RFX3: variants seen among roughly 807,000 people sequenced by gnomAD.
RFX3 encodes transcription factor RFX3.
Under a neutral mutation model 98.6 loss-of-function variants are expected in RFX3, and 14 were observed. The observed-to-expected ratio is 0.14, with a 90% CI of 0.09 to 0.22. The LOEUF is 0.22. RFX3 is among the 10% of genes least tolerant of loss of function. The pLI, the probability that RFX3 is intolerant of heterozygous loss-of-function variation, is 1.00. For missense variants in RFX3, 639 were observed against 926.9 expected, an observed-to-expected ratio of 0.69 and a Z score of 4.03; for synonymous variants, 383 against 328.4, an observed-to-expected ratio of 1.17 and a Z score of -1.80.
At chr9:3,239,911 G>A (rs1819692186) in intron 15 of RFX3, among the ~76,000 whole-genome samples, 1 of 152,122 alleles carries the variant, frequency 6.6e-6, no homozygotes, top group African/African-American at 2.4e-5. Flanking sequence ...TTCCCTTCCA[G>A]GCCCTGGCAG....
chr9:3,482,777 C>G (rs1564159420), intron 1 of RFX3, among the ~76,000 whole-genome samples: 2 of 151,896 alleles, frequency 1.3e-5, no homozygotes, highest in Admixed American at 6.6e-5. Context: ...ATAAGTGTTA[C>G]AAGATATGCT....
intron 12 of RFX3, among the ~76,000 whole-genome samples, chr9:3,264,902 G>C (rs1823413473): frequency 1.3e-5 from 2 of 152,302 alleles, no homozygotes; most frequent in South Asian, 4.1e-4. Context: ...CATTCACTTT[G>C]ACAACACTGG....
intron 2 of RFX3, among the ~76,000 whole-genome samples, chr9:3,347,546 G>C (rs1252404734): frequency 2.0e-5 from 3 of 151,878 alleles, no homozygotes; most frequent in Admixed American, 6.6e-5. Context: ...CCAGAAGGCC[G>C]GGTGCGGTGG....
At chr9:3,288,861 T>G (rs1355549310) in intron 6 of RFX3, among the ~76,000 whole-genome samples, 2 of 152,070 alleles carry the variant, frequency 1.3e-5, no homozygotes, top group Non-Finnish European at 2.9e-5. Flanking sequence ...GAAACACATT[T>G]TATTAGTTTC....
chr9:3,349,575 T>G lies in RFX3; in HGVS notation c.118-2811A>C, dbSNP rs1366798973. Among the ~76,000 whole-genome samples the G allele has an allele frequency of 2.0e-5, 3 of 152,208 alleles. No individual in the cohort carries two copies. In the East Asian group the frequency reaches 5.8e-4, roughly 29 times the overall value. On this transcript the variant is annotated intron_variant, in intron 2 of 16. Coordinates refer to ENST00000617270, the MANE Select transcript of RFX3 (RefSeq NM_001282116.2). ...TCACCCCTGCTGCTTCTATCTTACT[T>G]ACTGCCCCCACACCCCCAACAGGTA...
intron 2 of RFX3, among the ~76,000 whole-genome samples, chr9:3,366,698 C>CTTTCTTTT (rs1173737516): frequency 1.1e-4 from 7 of 61,746 alleles, no homozygotes; most frequent in African/African-American, 4.5e-4. Flanking sequence ...TCTTTCCTTT[C>CTTTCTTTT]TTTCTTTCTT....
At chr9:3,488,890 T>A in intron 1 of RFX3, 1 of 985,010 alleles carries the variant, frequency 1.0e-6, no homozygotes, top group Non-Finnish European at 1.2e-6. Context: ...GTATCCTCCA[T>A]GGCTGCTAAA....
intron 1 of RFX3, among the ~76,000 whole-genome samples, chr9:3,458,302 C>G (rs1176694214): frequency 6.6e-6 from 1 of 152,146 alleles, no homozygotes; most frequent in East Asian, 1.9e-4. Context: ...GAGTAGCAAT[C>G]CAGATGTATG....
rs201501094 is a variant in RFX3 at position 3,318,314 on chromosome 9, C to G, written c.474+11945G>C. On this transcript the variant is annotated intron_variant, in intron 4 of 16. Coordinates refer to ENST00000617270, the MANE Select transcript of RFX3 (RefSeq NM_001282116.2). ...ACATGTTCTCACTCATAGGTGGGAA[C>G]TGAACAATGAGAACACATGGACACA... Among the ~76,000 whole-genome samples, 23 of 152,084 alleles carry G rather than the reference C, an allele frequency of 1.5e-4. 1 individual carries two copies. Among genetic ancestry groups the G allele is most frequent in the Middle Eastern group, 3.4e-3 (1 of 294 alleles).
intron 2 of RFX3, among the ~76,000 whole-genome samples, chr9:3,351,640 A>T (rs763191404): frequency 6.6e-6 from 1 of 152,062 alleles, no homozygotes; most frequent in African/African-American, 2.4e-5. Context: ...GAACTAAAAC[A>T]TGTTAGAACA....
chr9:3,280,127 G>C (rs780825700), intron 7 of RFX3, among the ~76,000 whole-genome samples: 8 of 151,822 alleles, frequency 5.3e-5, no homozygotes, highest in Non-Finnish European at 1.2e-4. Flanking sequence ...GACAGAGATT[G>C]AGCAAAGACA....
At chr9:3,506,647 C>G (rs1817126843) in intron 1 of RFX3, among the ~76,000 whole-genome samples, 1 of 151,618 alleles carries the variant, frequency 6.6e-6, no homozygotes, top group Admixed American at 6.6e-5. Context: ...AAAATCCAAA[C>G]AAGTCTGGAA....
intron 2 of RFX3, chr9:3,394,741 GATA>G (rs1459025155): frequency 5.4e-6 from 4 of 743,456 alleles, no homozygotes; most frequent in African/African-American, 3.8e-5. Context: ...TGAATCTCAA[GATA>G]ATGTTATATG....
At chr9:3,330,198 G>C (rs1039814442) in intron 4 of RFX3, 61 bp downstream of exon 4, 1 of 1,544,888 alleles carries the variant, frequency 6.5e-7, no homozygotes, top group Non-Finnish European at 8.9e-7. Flanking sequence ...CTCTATCAAA[G>C]GAAATGTTCA....
chr9:3,222,511 C>A lies in RFX3; in HGVS notation c.*2531G>T, dbSNP rs1817390631. The stretch of plus-strand genomic sequence containing the variant: ...TTAAATTAAACAATGATAATAAATA[C>A]ATTTAAAGTCATTCAATAAACAAAA... On this transcript the variant is annotated 3_prime_UTR_variant, in exon 17 of 17. Transcript: ENST00000617270. 6.6e-6 allele frequency: 1 copy of A among 152,092 alleles called. No homozygotes were observed. Among genetic ancestry groups the A allele is most frequent in the Non-Finnish European group, 1.5e-5 (1 of 67,990 alleles). 9.4% of individuals were successfully genotyped at this position (152,092 alleles called of 1,614,324 possible).
chr9:3,263,282 G>T (rs1480500851), intron 12 of RFX3, among the ~76,000 whole-genome samples, 198 bp from the exon 13 acceptor site: 1 of 152,110 alleles, frequency 6.6e-6, no homozygotes, highest in African/African-American at 2.4e-5. Context: ...TTCTGAGTAG[G>T]TTGAGGTCAA....
At chr9:3,359,243 A>G (rs1836135985) in intron 2 of RFX3, among the ~76,000 whole-genome samples, 3 of 152,292 alleles carry the variant, frequency 2.0e-5, no homozygotes, top group South Asian at 4.1e-4. Context: ...CAAAAAAGCG[A>G]AAGTATCTTA....
At chr9:3,475,013 T>C (rs754239597) in intron 1 of RFX3, among the ~76,000 whole-genome samples, 3 of 151,286 alleles carry the variant, frequency 2.0e-5, no homozygotes, top group Admixed American at 6.6e-5. Flanking sequence ...GCAGGAAGAT[T>C]GCTTGAGCCC....
At chr9:3,234,187 G>T (rs1278230400) in intron 15 of RFX3, among the ~76,000 whole-genome samples, 1 of 151,656 alleles carries the variant, frequency 6.6e-6, no homozygotes, top group African/African-American at 2.4e-5. Flanking sequence ...CTAGAAGAGG[G>T]GCTGGCACAC....
Sources: gnomAD v4.1 joint callset for allele counts (sites outside exome capture counted in the v4.1 genomes callset) on GRCh38, gnomAD v4.1.1 for gene constraint, MANE v1.5 for transcripts, NCBI Gene and HGNC (gene_info 2026-07-23, HGNC 2026-07-21) for gene names.